PATJ: variants seen among roughly 807,000 people sequenced by gnomAD.
The protein encoded by PATJ is inaD-like protein.
A neutral mutation model predicts 224.9 loss-of-function variants in PATJ; 190 were observed. The ratio of observed to expected loss-of-function variants is 0.84; its 90% confidence interval spans 0.75 to 0.95. The LOEUF is 0.95. Ranked by LOEUF, PATJ falls within the 40% of genes least tolerant of loss-of-function variation. The probability of loss-of-function intolerance (pLI) is 0.00; values close to 1 mark genes in which losing one functional copy is unlikely to be tolerated. For synonymous variants in PATJ, 769 were observed against 820.3 expected, an observed-to-expected ratio of 0.94 and a Z score of 1.07; for missense variants, 2,121 against 2,270.3, an observed-to-expected ratio of 0.93 and a Z score of 1.34.
intron 28 of PATJ, among the ~76,000 whole-genome samples, chr1:62,015,551 G>A (rs557268732): frequency 3.6e-4 from 55 of 152,088 alleles, no homozygotes; most frequent in African/African-American, 1.2e-3. Flanking sequence ...GTGTGTGTGC[G>A]TGATGGACTC....
chr1:61,929,113 T>G (rs75597091), intron 27 of PATJ, among the ~76,000 whole-genome samples: 3,382 of 152,300 alleles, frequency 0.022, 122 homozygotes, highest in African/African-American at 0.077. Context: ...CTACACATGG[T>G]GTAAAAAGTT....
intron 31 of PATJ, among the ~76,000 whole-genome samples, chr1:62,070,992 T>C (rs1209131514): frequency 2.6e-5 from 4 of 152,108 alleles, no homozygotes; most frequent in Non-Finnish European, 5.9e-5. Context: ...ATACATCGAA[T>C]GGGAGCCTGG....
At chr1:62,042,821 AT>A (rs1651773217) in intron 30 of PATJ, among the ~76,000 whole-genome samples, 1 of 151,928 alleles carries the variant, frequency 6.6e-6, no homozygotes, top group Admixed American at 6.6e-5. Context: ...TAATTTTTAA[AT>A]TTTTTGTAGA....
At chr1:61,974,828 A>C (rs1644041349) in intron 27 of PATJ, among the ~76,000 whole-genome samples, 2 of 152,090 alleles carry the variant, frequency 1.3e-5, no homozygotes, top group Non-Finnish European at 2.9e-5. Context: ...TTGTTTTGCC[A>C]TTCACTTGTG....
intron 27 of PATJ, among the ~76,000 whole-genome samples, chr1:61,985,422 A>T (rs1644698303): frequency 6.6e-6 from 1 of 152,102 alleles, no homozygotes; most frequent in African/African-American, 2.4e-5. Flanking sequence ...TAAGCCACTG[A>T]TAGGGGTCTT....
At chr1:61,783,369 AT>A (rs202049131) in intron 7 of PATJ, among the ~76,000 whole-genome samples, 2 of 148,494 alleles carry the variant, frequency 1.3e-5, no homozygotes, top group South Asian at 2.2e-4. Flanking sequence ...TTATGATTTC[AT>A]TGTCTGAGTT....
At chr1:61,860,452 C>T (rs2148931167) in intron 18 of PATJ, among the ~76,000 whole-genome samples, 1 of 152,234 alleles carries the variant, frequency 6.6e-6, no homozygotes, top group Non-Finnish European at 1.5e-5. Context: ...TGGGTTTTTG[C>T]TTAGTTATGT....
At chr1:61,917,581 GT>G (rs1210488827) in intron 26 of PATJ, among the ~76,000 whole-genome samples, 5 of 151,994 alleles carry the variant, frequency 3.3e-5, no homozygotes, top group African/African-American at 1.2e-4. Flanking sequence ...TATTTGTTTT[GT>G]TTTGTTTTTC....
In PATJ at chr1:62,158,519, A is replaced by C. The variant is rs1669481495; in HGVS notation, c.5503-2389A>C. On this transcript the variant is annotated intron_variant, in intron 43 of 43. Transcript: ENST00000642238. ...CGGATCACGAGGTCAGGAGATTGAG[A>C]CCATCCTGGCTAACACGGTAAAAAA... Among the ~76,000 whole-genome samples the C allele has an allele frequency of 2.0e-5, 3 of 148,492 alleles. 1 individual carries two copies. The highest frequency in any genetic ancestry group is 3.0e-5 in the Non-Finnish European group (2 of 66,822).
At chr1:61,839,877 C>T (rs1297368500) in intron 17 of PATJ, among the ~76,000 whole-genome samples, 1 of 151,710 alleles carries the variant, frequency 6.6e-6, no homozygotes, top group East Asian at 1.9e-4. Context: ...CTCTCAAAGT[C>T]TGAGAGAGAT....
At chr1:61,869,031 T>C (rs1665844770) in intron 20 of PATJ, among the ~76,000 whole-genome samples, 1 of 151,418 alleles carries the variant, frequency 6.6e-6, no homozygotes, top group Non-Finnish European at 1.5e-5. Flanking sequence ...AAAGCTTCTA[T>C]GAGAAGAACA....
chr1:61,795,755 A>G (rs1215935837), intron 10 of PATJ, among the ~76,000 whole-genome samples, 197 bp downstream of exon 10: 2 of 152,078 alleles, frequency 1.3e-5, no homozygotes, highest in African/African-American at 4.8e-5. Flanking sequence ...TCAGTGAAGA[A>G]AGGATTCACT....
intron 34 of PATJ, 81 bp downstream of exon 34, chr1:62,108,601 C>A: frequency 2.7e-6 from 2 of 741,362 alleles, no homozygotes; most frequent in South Asian, 4.3e-5. Context: ...TCTTTCTACT[C>A]AACTGTATTT....
intron 15 of PATJ, among the ~76,000 whole-genome samples, chr1:61,824,233 CTT>C (rs11300876): frequency 5.9e-4 from 83 of 141,620 alleles, no homozygotes; most frequent in Non-Finnish European, 9.9e-4. Context: ...ATTTAATTCA[CTT>C]TTTTTTTTTT....
rs1043274926 is a variant in PATJ, at chr1:62,051,495, T to G, written c.4125+437T>G. The stretch of plus-strand genomic sequence containing the variant: ...GCGCACACCACCATGCCCAGCTAAT[T>G]TTTATATTTTTAGTAGGGACGGGAT... On this transcript the variant is annotated intron_variant, in intron 31 of 43. Coordinates refer to ENST00000642238, the MANE Select transcript of PATJ (RefSeq NM_001350145.3). Among the ~76,000 whole-genome samples, 3 of 152,044 alleles carry G rather than the reference T, an allele frequency of 2.0e-5. No individual in the cohort carries two copies. In the East Asian group the frequency reaches 5.8e-4, roughly 29 times the overall value.
chr1:62,042,259 A>G (rs760217830), intron 30 of PATJ, among the ~76,000 whole-genome samples: 3 of 152,228 alleles, frequency 2.0e-5, no homozygotes, highest in African/African-American at 4.8e-5. Context: ...CAATTTGATT[A>G]TATTCTAGAG....
chr1:61,844,588 GTTC>G (rs1318841369), intron 17 of PATJ, among the ~76,000 whole-genome samples: 1 of 152,052 alleles, frequency 6.6e-6, no homozygotes, highest in Non-Finnish European at 1.5e-5. Flanking sequence ...TGTTATACTT[GTTC>G]TTTTTTTATT....
intron 3 of PATJ, among the ~76,000 whole-genome samples, chr1:61,763,848 G>T (rs575345795): frequency 6.6e-6 from 1 of 152,096 alleles, no homozygotes; most frequent in Non-Finnish European, 1.5e-5. Flanking sequence ...TATAGAGGCA[G>T]GGTCTCCCTA....
At chr1:61,827,347 A>G in intron 15 of PATJ, 75 bp from the exon 16 acceptor site, 1 of 1,279,342 alleles carries the variant, frequency 7.8e-7, no homozygotes, top group Non-Finnish European at 1.0e-6. Context: ...ATTTTGGTAG[A>G]TGGATATAAA....
Sources: gnomAD v4.1 joint callset for allele counts (sites outside exome capture counted in the v4.1 genomes callset) on GRCh38, gnomAD v4.1.1 for gene constraint, MANE v1.5 for transcripts, NCBI Gene and HGNC (gene_info 2026-07-23, HGNC 2026-07-21) for gene names.